TP73: variants seen among roughly 807,000 people sequenced by gnomAD.
TP73 encodes p53-like transcription factor.
Under a neutral mutation model 62.5 loss-of-function variants are expected in TP73, and 25 were observed. The ratio of observed to expected loss-of-function variants is 0.40; its 90% CI spans 0.29 to 0.56. The LOEUF (loss-of-function observed/expected upper bound fraction) is 0.56. Among genes scored for constraint, TP73 ranks in the 20% least tolerant of loss-of-function variants. The pLI is 0.46. For missense variants in TP73, 754 were observed against 913.3 expected (o/e 0.83, Z 2.25); for synonymous variants, 423 against 377.5 (o/e 1.12, Z -1.40).
At chr1:3,724,962 T>C (rs531595153) in intron 6 of TP73, among the ~76,000 whole-genome samples, 1 of 151,088 alleles carries the variant, frequency 6.6e-6, no homozygotes, top group East Asian at 2.0e-4. Context: ...GAAGTTGCAG[T>C]GAGCCAAGAT....
chr1:3,672,198 A>G lies in TP73; in HGVS notation c.-33-10135A>G, dbSNP rs980847055. On this transcript the variant is annotated intron_variant, in intron 1 of 13. Coordinates refer to ENST00000378295, the MANE Select transcript of TP73 (RefSeq NM_005427.4). This position sits in a 1 kb window ranked among gnomAD's most constrained non-coding sequence, Gnocchi z 5.3. ...CATCTCAGAGTGGAGCATCCCCACC[A>G]AGGGTGTCCAGAGGAGGGTGGCCAG... Among the ~76,000 whole-genome samples, 5 of 152,076 alleles carry G rather than the reference A, an allele frequency of 3.3e-5. No individual in the cohort carries two copies. Among genetic ancestry groups the G allele is most frequent in the African/African-American group, 1.2e-4 (5 of 41,386 alleles).
At chr1:3,727,458 T>A in intron 7 of TP73, 170 bp from the exon 8 acceptor site, 1 of 1,083,438 alleles carries the variant, frequency 9.2e-7, no homozygotes, top group Non-Finnish European at 1.3e-6. Flanking sequence ...CCTCACAGCT[T>A]TGAGCCTCTG....
intron 10 of TP73, 90 bp from the exon 11 acceptor site, chr1:3,729,910 T>G: frequency 2.7e-6 from 4 of 1,467,022 alleles, no homozygotes; most frequent in Non-Finnish European, 3.6e-6. Context: ...GCTCCACCCA[T>G]TCGCAGCATG....
In TP73 at chr1:3,707,919, G is replaced by T; in HGVS notation, c.429+128G>T. The T allele has an allele frequency of 4.2e-6, 6 of 1,423,114 alleles. No homozygotes were observed. The South Asian group carries it at 6.9e-5, about 16-fold the overall frequency. The allele number at this position is 1,423,114 out of a possible 1,614,324, so 88.2% of individuals were successfully genotyped here. On this transcript the variant is annotated intron_variant, in intron 4 of 13. Coordinates refer to ENST00000378295, the MANE Select transcript of TP73 (RefSeq NM_005427.4). The stretch of plus-strand genomic sequence containing the variant: ...TCTGCTCGGGGTTCCCACCTGGCCC[G>T]GGCCAGGAGGAGCATCGGGCAGGAG...
In TP73 at chr1:3,662,382, G is replaced by A. The variant is rs11590111; in HGVS notation, c.-34+9741G>A. 27,846 of 152,312 alleles carry A rather than the reference G, an allele frequency of 0.18. 2,667 individuals carry two copies. The highest frequency in any genetic ancestry group is 0.24 in the Admixed American group (3,704 of 15,302). The allele number at this position is 152,312 out of a possible 1,614,324, so 9.4% of individuals were successfully genotyped here. A position where few individuals can be genotyped will look rare whatever the true frequency, so the allele number is the denominator to read the frequency against. On this transcript the variant is annotated intron_variant, in intron 1 of 13. Coordinates refer to ENST00000378295, the MANE Select transcript of TP73 (RefSeq NM_005427.4). This position sits in a 1 kb window ranked among gnomAD's most constrained non-coding sequence, Gnocchi z 4.4. ...AAACTGGGGGAAGGGGCCAGATGGCGGAGGCGTCTGCGTCATCCTCAGCTG... is the reference window on the plus strand; with the variant it reads ...AAACTGGGGGAAGGGGCCAGATGGCAGAGGCGTCTGCGTCATCCTCAGCTG...
At chr1:3,657,910 G>GAC (rs3034639) in intron 1 of TP73, among the ~76,000 whole-genome samples, 55,263 of 152,034 alleles carry the variant, frequency 0.36, 10,712 homozygotes, top group East Asian at 0.55. Flanking sequence ...ACAGAAACCA[G>GAC]AGGTATTGAA....
intron 1 of TP73, among the ~76,000 whole-genome samples, chr1:3,678,501 G>A (rs924482463): frequency 2.0e-5 from 3 of 152,252 alleles, no homozygotes; most frequent in Non-Finnish European, 4.4e-5. Context: ...GTTCCTGTGG[G>A]GCCCTGGGAC....
chr1:3,691,210 G>A (rs983783993), intron 3 of TP73, among the ~76,000 whole-genome samples: 3 of 152,154 alleles, frequency 2.0e-5, no homozygotes, highest in Non-Finnish European at 2.9e-5. Flanking sequence ...GGTCCATGCC[G>A]ATGGGGCTGC....
intron 1 of TP73, among the ~76,000 whole-genome samples, chr1:3,655,101 T>C (rs909741207): frequency 6.6e-6 from 1 of 152,222 alleles, no homozygotes; most frequent in African/African-American, 2.4e-5. Flanking sequence ...AAAACATCCT[T>C]TAAGGCCAGG....
intron 3 of TP73, among the ~76,000 whole-genome samples, chr1:3,700,212 G>A (rs1030080062): frequency 4.7e-5 from 7 of 149,476 alleles, no homozygotes; most frequent in African/African-American, 9.9e-5. Context: ...CATCTCCTCC[G>A]CTGGAGGAGT....
rs976284648 is a variant in TP73 at position 3,716,626 on chromosome 1, C to T, written c.430-5395C>T. On this transcript the variant is annotated intron_variant, in intron 4 of 13. Coordinates refer to ENST00000378295, the MANE Select transcript of TP73 (RefSeq NM_005427.4). ...TGTGCTCCCAGCAGCTCTCTGAGGGCGACAGTGACTGTGCACCAGTGAAGG... is the reference window on the plus strand; with the variant it reads ...TGTGCTCCCAGCAGCTCTCTGAGGGTGACAGTGACTGTGCACCAGTGAAGG... Among the ~76,000 whole-genome samples, 9 of 152,332 alleles carry T rather than the reference C, an allele frequency of 5.9e-5. No homozygotes were observed. The East Asian group carries it at 9.6e-4, about 16-fold the overall frequency.
chr1:3,707,202 G>A (rs895256760), intron 3 of TP73, among the ~76,000 whole-genome samples: 1 of 152,138 alleles, frequency 6.6e-6, no homozygotes, highest in Non-Finnish European at 1.5e-5. Flanking sequence ...CCCCGATGCC[G>A]CCCGGAGGGT....
chr1:3,721,954 G>T, intron 4 of TP73, 67 bp from the exon 5 acceptor site: 1 of 1,496,810 alleles, frequency 6.7e-7, no homozygotes, highest in Admixed American at 2.2e-5. Context: ...GCTCCCAATG[G>T]GGGGTGGCCT....
chr1:3,733,408 G>A lies in TP73; in HGVS notation c.*329G>A, dbSNP rs575181564. The A allele has an allele frequency of 1.8e-4, 74 of 404,274 alleles. No individual in the cohort carries two copies. The highest frequency in any genetic ancestry group is 1.3e-3 in the Middle Eastern group (4 of 3,084). The allele number at this position is 404,274 out of a possible 1,614,324, so 25.0% of individuals were successfully genotyped here. On this transcript the variant is annotated 3_prime_UTR_variant, in exon 14 of 14. Coordinates refer to ENST00000378295, the MANE Select transcript of TP73 (RefSeq NM_005427.4). ...GGGTGGGGACCGCAGCGTCGGCTCC[G>A]ACTTCCAGGCTTCATCCTAGAGACT...
At chr1:3,721,490 C>T (rs569521963) in intron 4 of TP73, among the ~76,000 whole-genome samples, 1 of 152,372 alleles carries the variant, frequency 6.6e-6, no homozygotes, top group South Asian at 2.1e-4. Context: ...CCAGAGAGCT[C>T]TCTATGGAAG....
intron 4 of TP73, among the ~76,000 whole-genome samples, chr1:3,719,066 T>C (rs3765769): frequency 0.03 from 4,600 of 152,224 alleles, 159 homozygotes; most frequent in East Asian, 0.18. Flanking sequence ...GGGCCGGACC[T>C]CAGAGGCCCT....
intron 1 of TP73, among the ~76,000 whole-genome samples, chr1:3,676,116 C>T (rs1354652997): frequency 8.4e-5 from 10 of 118,370 alleles, no homozygotes; most frequent in South Asian, 6.1e-4. Context: ...GGACAGGAGA[C>T]GGGGAGGGAC....
At chr1:3,690,692 A>T in intron 3 of TP73, 1 of 1,425,520 alleles carries the variant, frequency 7.0e-7, no homozygotes, top group Non-Finnish European at 9.2e-7. Flanking sequence ...AGTTGACAGA[A>T]CTAAGGGAGA....
intron 11 of TP73, among the ~76,000 whole-genome samples, chr1:3,730,709 G>A (rs748033220): frequency 3.3e-5 from 5 of 152,140 alleles, no homozygotes; most frequent in South Asian, 2.1e-4. Flanking sequence ...TGCCCCGTAC[G>A]CACGGTCACC....
Sources: allele counts gnomAD v4.1 joint callset (sites outside exome capture counted in the v4.1 genomes callset), GRCh38; gene constraint gnomAD v4.1.1; non-coding constraint Gnocchi (gnomAD v3.1); transcripts MANE v1.5; gene names NCBI Gene and HGNC (gene_info 2026-07-23, HGNC 2026-07-21).